The following GREB1L variants were observed in gnomAD, a reference collection of about 807,000 sequenced individuals.
GREB1L encodes GREB1-like protein.
GREB1L carries 17 observed loss-of-function variants against 200.8 expected under a neutral mutation model. The observed-to-expected ratio is 0.08, with a 90% CI of 0.06 to 0.13. GREB1L has a LOEUF of 0.13. GREB1L is among the 10% of genes least tolerant of loss of function. GREB1L has a pLI of 1.00. For synonymous variants in GREB1L, 789 were observed against 893.0 expected (o/e 0.88, Z 2.08); for missense variants, 1,657 against 2,367.7 (o/e 0.70, Z 6.23).
intron 2 of GREB1L, among the ~76,000 whole-genome samples, chr18:21,370,937 G>A (rs180729711): frequency 7.2e-5 from 11 of 152,120 alleles, no homozygotes; most frequent in South Asian, 4.2e-4. Context: ...GAAAATAGAC[G>A]GGCAGGTGGC....
At chr18:21,476,746 ATT>A (rs59564255) in intron 16 of GREB1L, among the ~76,000 whole-genome samples, 10 of 144,898 alleles carry the variant, frequency 6.9e-5, no homozygotes, top group East Asian at 2.0e-4. Flanking sequence ...TTTTTTTTGT[ATT>A]TTTTTTTTTT....
intron 7 of GREB1L, among the ~76,000 whole-genome samples, chr18:21,432,050 G>A (rs2033196810): frequency 6.6e-6 from 1 of 151,076 alleles, no homozygotes; most frequent in South Asian, 2.1e-4. Flanking sequence ...AGCATCCCGA[G>A]TAGCTGGGAC....
intron 7 of GREB1L, among the ~76,000 whole-genome samples, chr18:21,429,213 C>CCTCCG (rs2032936988): frequency 2.3e-5 from 2 of 88,176 alleles, no homozygotes; most frequent in African/African-American, 8.8e-5. Flanking sequence ...CCTCCGCTCC[C>CCTCCG]CTCCCCTCCC....
intron 1 of GREB1L, among the ~76,000 whole-genome samples, chr18:21,257,391 T>C (rs1433106626): frequency 6.6e-6 from 1 of 152,212 alleles, no homozygotes; most frequent in Non-Finnish European, 1.5e-5. Flanking sequence ...AATGGAGCAA[T>C]AAAATACTAA....
chr18:21,443,474 G>C (rs914549016), intron 10 of GREB1L, among the ~76,000 whole-genome samples: 1 of 151,824 alleles, frequency 6.6e-6, no homozygotes, highest in Non-Finnish European at 1.5e-5. Context: ...CCCAAAGTGC[G>C]GGGATTATAG....
intron 23 of GREB1L, among the ~76,000 whole-genome samples, chr18:21,503,941 A>ATTTAT (rs1246463191): frequency 0.017 from 2,510 of 149,898 alleles, 63 homozygotes; most frequent in African/African-American, 0.059. Flanking sequence ...ACTTTATTTT[A>ATTTAT]TTTATTTATT....
At chr18:21,375,630 T>G (rs1014090725) in intron 2 of GREB1L, among the ~76,000 whole-genome samples, 1 of 152,188 alleles carries the variant, frequency 6.6e-6, no homozygotes, top group Non-Finnish European at 1.5e-5. Context: ...GGTTAGTAGC[T>G]TAATGGTCTG....
intron 18 of GREB1L, 131 bp from the exon 19 acceptor site, chr18:21,489,881 G>A: frequency 1.5e-6 from 1 of 665,134 alleles, no homozygotes; most frequent in East Asian, 2.7e-5. Context: ...GGTCATTCTA[G>A]AACTAAAGCC....
chr18:21,430,776 A>G (rs1232599586), intron 7 of GREB1L, among the ~76,000 whole-genome samples: 2 of 149,786 alleles, frequency 1.3e-5, no homozygotes, highest in African/African-American at 4.9e-5. Flanking sequence ...TTGTATTTTT[A>G]GTAGAGACGG....
At chr18:21,327,533 C>G (rs1405725270) in intron 1 of GREB1L, among the ~76,000 whole-genome samples, 1 of 151,972 alleles carries the variant, frequency 6.6e-6, no homozygotes, top group South Asian at 2.1e-4. Flanking sequence ...TCCCACTCTT[C>G]CATTTTTATC....
intron 1 of GREB1L, among the ~76,000 whole-genome samples, chr18:21,280,134 A>G (rs1335857836): frequency 6.6e-6 from 1 of 152,184 alleles, no homozygotes; most frequent in Admixed American, 6.6e-5. Context: ...TACTATTAGC[A>G]TATCATGCAG....
chr18:21,359,820 T>G (rs1039664918), intron 1 of GREB1L, among the ~76,000 whole-genome samples: 3 of 152,242 alleles, frequency 2.0e-5, no homozygotes, highest in Non-Finnish European at 4.4e-5. Flanking sequence ...TATGGTTGTT[T>G]TCATGAAGTA....
At chr18:21,514,013 A>C (rs2037331090) in intron 28 of GREB1L, 27 bp downstream of exon 28, 1 of 1,545,068 alleles carries the variant, frequency 6.5e-7, no homozygotes, top group Non-Finnish European at 8.8e-7. Context: ...GGGGCGTATG[A>C]CACAATGCTA....
intron 1 of GREB1L, among the ~76,000 whole-genome samples, chr18:21,312,539 T>TTTAG: frequency 6.9e-6 from 1 of 144,406 alleles, no homozygotes; most frequent in Non-Finnish European, 1.5e-5. Flanking sequence ...CTTTATTTTA[T>TTTAG]TTATTTATTT....
chr18:21,410,196 C>G (rs572723356), intron 7 of GREB1L, among the ~76,000 whole-genome samples: 2 of 151,886 alleles, frequency 1.3e-5, no homozygotes, highest in African/African-American at 4.8e-5. Context: ...TAAGCTCTGC[C>G]CCTGTCACTA....
At chr18:21,339,840 A>G (rs1192090714) in intron 1 of GREB1L, among the ~76,000 whole-genome samples, 1 of 152,234 alleles carries the variant, frequency 6.6e-6, no homozygotes, top group Non-Finnish European at 1.5e-5. Flanking sequence ...TAAAATAATA[A>G]CATTCTTACA....
At chr18:21,319,561 T>C (rs1418987769) in intron 1 of GREB1L, among the ~76,000 whole-genome samples, 1 of 152,260 alleles carries the variant, frequency 6.6e-6, no homozygotes, top group Non-Finnish European at 1.5e-5. Context: ...AGAGAAAAGT[T>C]AGTATGTTTT....
chr18:21,401,027 T>G (rs2041295414), intron 5 of GREB1L, 123 bp from the exon 6 acceptor site: 8 of 753,892 alleles, frequency 1.1e-5, no homozygotes, highest in Non-Finnish European at 1.5e-5. Context: ...TCCCTCTGAA[T>G]TATTTCCTTG....
chr18:21,450,908 A>G, intron 12 of GREB1L, 115 bp from the exon 13 acceptor site: 1 of 996,832 alleles, frequency 1.0e-6, no homozygotes, highest in South Asian at 1.8e-5. Context: ...AATTTTCTTA[A>G]CCCAAGTCCC....
Sources: gnomAD v4.1 joint callset for allele counts (sites outside exome capture counted in the v4.1 genomes callset) on GRCh38, gnomAD v4.1.1 for gene constraint, MANE v1.5 for transcripts, NCBI Gene and HGNC (gene_info 2026-07-23, HGNC 2026-07-21) for gene names.